TMEM230: variants seen among roughly 807,000 people sequenced by gnomAD.
The protein encoded by TMEM230 is transmembrane protein 230.
In TMEM230, 10 loss-of-function variants were observed where a neutral mutation model predicts 15.8. The ratio of observed to expected loss-of-function variants is 0.63; its 90% CI spans 0.39 to 1.07. The LOEUF (loss-of-function observed/expected upper bound fraction) is 1.07. Ranked by LOEUF, TMEM230 falls within the 50% of genes least tolerant of loss-of-function variation. The probability of loss-of-function intolerance (pLI) is 0.01; values close to 1 mark genes in which losing one functional copy is unlikely to be tolerated. For synonymous variants in TMEM230, 67 were observed against 76.9 expected (o/e 0.87, Z 0.68); for missense variants, 165 against 193.3 (o/e 0.85, Z 0.87).
intron 3 of TMEM230, among the ~76,000 whole-genome samples, chr20:5,080,311 T>C (rs1177456468): frequency 6.6e-6 from 1 of 152,132 alleles, no homozygotes; most frequent in Non-Finnish European, 1.5e-5. Context: ...CAAATTATGA[T>C]TAGTTGCTCA....
At chr20:5,076,572 G>A (rs936371320) in intron 3 of TMEM230, among the ~76,000 whole-genome samples, 4 of 151,402 alleles carry the variant, frequency 2.6e-5, no homozygotes, top group Non-Finnish European at 4.4e-5. Flanking sequence ...AATAAATATC[G>A]TTGAATGGAT....
intron 3 of TMEM230, among the ~76,000 whole-genome samples, chr20:5,106,996 T>C (rs2090119572): frequency 6.6e-6 from 1 of 152,030 alleles, no homozygotes; most frequent in Non-Finnish European, 1.5e-5. Context: ...GTATAAGCCA[T>C]CAAGCCCAGT....
chr20:5,110,486 C>A (rs145913019), intron 2 of TMEM230, among the ~76,000 whole-genome samples: 3 of 151,898 alleles, frequency 2.0e-5, no homozygotes, highest in Non-Finnish European at 2.9e-5. Flanking sequence ...GGTTTTACCA[C>A]GTTGGCCAGG....
At chr20:5,099,232 A>AAATC (rs145559832), downstream of TMEM230, among the ~76,000 whole-genome samples, 622 of 78,998 alleles carry the variant, frequency 7.9e-3, 1 homozygote, top group African/African-American at 9.4e-3. Context: ...ATAAATAAAT[A>AAATC]AATCAATCAA....
intron 3 of TMEM230, among the ~76,000 whole-genome samples, chr20:5,072,242 G>C (rs1054492931): frequency 1.9e-4 from 29 of 152,090 alleles, no homozygotes; most frequent in African/African-American, 6.7e-4. Flanking sequence ...TGTAGAAATG[G>C]GGCCTCACTG....
At chr20:5,082,243 TCTCTCTCTC>T (rs1290245311) in intron 3 of TMEM230, among the ~76,000 whole-genome samples, 11 of 44,638 alleles carry the variant, frequency 2.5e-4, no homozygotes, top group African/African-American at 5.0e-4. Context: ...TTTCTCTCTC[TCTCTCTCTC>T]TTTTTCGAGA....
the TMEM230 span, among the ~76,000 whole-genome samples, chr20:5,059,315 C>T: frequency 6.6e-6 from 1 of 151,880 alleles, no homozygotes; most frequent in Non-Finnish European, 1.5e-5. Flanking sequence ...ATCAGGCTTA[C>T]CAATTTCCTG....
downstream of TMEM230, among the ~76,000 whole-genome samples, chr20:5,066,938 C>G (rs1006528429): frequency 6.6e-6 from 1 of 152,014 alleles, no homozygotes; most frequent in Non-Finnish European, 1.5e-5. Flanking sequence ...TTAATTGCTC[C>G]CACTGACTTC....
At chr20:5,094,112 C>T (rs776660511) in intron 3 of TMEM230, among the ~76,000 whole-genome samples, 1 of 152,106 alleles carries the variant, frequency 6.6e-6, no homozygotes, top group East Asian at 2.0e-4. Context: ...GCACGTGCCA[C>T]CATACCTGGC....
chr20:5,105,303 T>C (rs2090027988), intron 4 of TMEM230, among the ~76,000 whole-genome samples: 1 of 150,128 alleles, frequency 6.7e-6, no homozygotes, highest in Non-Finnish European at 1.5e-5. Flanking sequence ...TATATATATG[T>C]ATGTATGTAT....
rs577242430 is a variant in TMEM230, at chr20:5,089,538, T to C, written c.222+16650A>G. ...CAACATGGCAAAACCCCGTCTCCACTAAAAATACAAAAATTATCTGGGTGT... is the reference window on the plus strand; with the variant it reads ...CAACATGGCAAAACCCCGTCTCCACCAAAAATACAAAAATTATCTGGGTGT... On this transcript the variant is annotated intron_variant, in intron 3 of 3. Transcript: ENST00000612323. 2.0e-5 allele frequency among the ~76,000 whole-genome samples: 3 copies of C among 151,244 alleles called. No individual in the cohort carries two copies. In the South Asian group the frequency reaches 6.2e-4, roughly 31 times the overall value.
chr20:5,094,959 G>A (rs936819532), downstream of TMEM230, among the ~76,000 whole-genome samples: 1 of 152,086 alleles, frequency 6.6e-6, no homozygotes, highest in East Asian at 1.9e-4. Flanking sequence ...CACAACTACG[G>A]GCAAAGGGGC....
chr20:5,080,897 C>T (rs982709517), intron 3 of TMEM230, among the ~76,000 whole-genome samples: 22 of 152,228 alleles, frequency 1.4e-4, no homozygotes, highest in African/African-American at 4.8e-4. Context: ...CCAGGTTACA[C>T]ACTGTGGCCC....
intron 3 of TMEM230, among the ~76,000 whole-genome samples, chr20:5,087,275 T>C (rs1332669367): frequency 6.6e-6 from 1 of 152,114 alleles, no homozygotes; most frequent in Non-Finnish European, 1.5e-5. Context: ...GATTTCAACA[T>C]GTAGCTGTTT....
intron 3 of TMEM230, among the ~76,000 whole-genome samples, chr20:5,076,676 CTTTTTTTTTTTT>C (rs763498321): frequency 7.8e-6 from 1 of 127,482 alleles, no homozygotes; most frequent in Admixed American, 7.9e-5. Context: ...GATTGATATT[CTTTTTTTTTTTT>C]TTTTTTTGAG....
At chr20:5,090,700 T>C (rs551378203) in intron 3 of TMEM230, among the ~76,000 whole-genome samples, 19 of 151,474 alleles carry the variant, frequency 1.3e-4, no homozygotes, top group African/African-American at 4.3e-4. Context: ...AGCGTTTGTG[T>C]ATCCTTAGCA....
intron 3 of TMEM230, among the ~76,000 whole-genome samples, chr20:5,088,859 G>A (rs891781920): frequency 6.6e-6 from 1 of 152,180 alleles, no homozygotes; most frequent in African/African-American, 2.4e-5. Context: ...GTGATAGGCA[G>A]TCTAAGCAGC....
chr20:5,073,894 A>G lies in TMEM230; in HGVS notation c.223-4545T>C, dbSNP rs112321732. Among the ~76,000 whole-genome samples the G allele has an allele frequency of 8.5e-3, 1,290 of 152,316 alleles. 7 individuals carry two copies. Among genetic ancestry groups the G allele is most frequent in the Non-Finnish European group, 0.015 (1,004 of 68,040 alleles). On this transcript the variant is annotated intron_variant, in intron 3 of 3. Transcript: ENST00000612323. ...AAGAATAGAGGTGTATTTGGCTCAC[A>G]GTTCTGCAAGCTCTACAGGAAGCAT...
chr20:5,062,196 T>C, the TMEM230 span, among the ~76,000 whole-genome samples: 2 of 149,420 alleles, frequency 1.3e-5, no homozygotes, highest in Non-Finnish European at 3.0e-5. Flanking sequence ...CACCCCAGCC[T>C]AGGCAACAAA....
Sources: allele counts gnomAD v4.1 joint callset (sites outside exome capture counted in the v4.1 genomes callset), GRCh38; gene constraint gnomAD v4.1.1; transcripts MANE v1.5; gene names NCBI Gene and HGNC (gene_info 2026-07-23, HGNC 2026-07-21).